The following SPOCK3 variants were observed in gnomAD, a reference collection of about 807,000 sequenced individuals.
SPOCK3 encodes SPARC (osteonectin), cwcv and kazal like domains proteoglycan 3.
In SPOCK3, 30 loss-of-function variants were observed where a neutral mutation model predicts 56.6. The observed-to-expected ratio is 0.53, with a 90% confidence interval of 0.40 to 0.72. The LOEUF (loss-of-function observed/expected upper bound fraction) is 0.72. SPOCK3 is among the 30% of genes least tolerant of loss of function. The pLI is 0.00. For missense variants in SPOCK3, 527 were observed against 530.0 expected, an observed-to-expected ratio of 0.99 and a Z score of 0.06; for synonymous variants, 196 against 183.3, an observed-to-expected ratio of 1.07 and a Z score of -0.56.
intron 2 of SPOCK3, among the ~76,000 whole-genome samples, chr4:167,127,541 C>T (rs1676197767): frequency 1.3e-5 from 2 of 151,970 alleles, no homozygotes; most frequent in African/African-American, 4.8e-5. Flanking sequence ...AATTCTCCTG[C>T]CTCAGCCTCC....
chr4:166,996,539 A>T (rs1748397407), intron 4 of SPOCK3, among the ~76,000 whole-genome samples: 1 of 152,186 alleles, frequency 6.6e-6, no homozygotes, highest in African/African-American at 2.4e-5. Context: ...ATATTAAAGC[A>T]TCTAAATAAT....
chr4:166,836,310 A>C (rs1263385993), intron 6 of SPOCK3, among the ~76,000 whole-genome samples: 1 of 152,212 alleles, frequency 6.6e-6, no homozygotes, highest in Non-Finnish European at 1.5e-5. Context: ...TTAAATTCTC[A>C]ACACGATTTT....
At chr4:167,185,235 TG>T (rs892716191) in intron 2 of SPOCK3, among the ~76,000 whole-genome samples, 4 of 152,158 alleles carry the variant, frequency 2.6e-5, no homozygotes, top group South Asian at 2.1e-4. Flanking sequence ...GCATGGAATA[TG>T]GGGGGATTAG....
chr4:166,742,052 A>G lies in SPOCK3; in HGVS notation c.939T>C (p.Pro313=). ...GAATATTGCTGAGCTCAGTCTGGCAAGGTGGGTCTGCAATGACATTAAAAA... is the reference window on the plus strand; with the variant it reads ...GAATATTGCTGAGCTCAGTCTGGCAGGGTGGGTCTGCAATGACATTAAAAA... ...CYCFQRQQDP[P]CQTELSNIQK... Residue 313 remains proline (P), a synonymous_variant, in exon 9 of 11, where the codon CCT becomes CCC. Coordinates refer to ENST00000357545, the MANE Select transcript of SPOCK3 (RefSeq NM_001040159.2). The G allele has an allele frequency of 6.2e-7, 1 of 1,612,306 alleles. No homozygotes were observed. The highest frequency in any genetic ancestry group is 8.5e-7 in the Non-Finnish European group (1 of 1,178,592).
intron 7 of SPOCK3, among the ~76,000 whole-genome samples, chr4:166,765,984 TG>T (rs1375848453): frequency 3.3e-5 from 5 of 152,116 alleles, no homozygotes; most frequent in African/African-American, 1.2e-4. Flanking sequence ...TTTGGCTCTC[TG>T]TTTGCCTGTT....
At chr4:166,997,186 C>T (rs1748473830) in intron 4 of SPOCK3, among the ~76,000 whole-genome samples, 1 of 151,844 alleles carries the variant, frequency 6.6e-6, no homozygotes, top group African/African-American at 2.4e-5. Context: ...GGGAGAGCAT[C>T]AAGGTAAACA....
At chr4:166,822,268 G>A (rs552857841) in intron 6 of SPOCK3, among the ~76,000 whole-genome samples, 2 of 152,036 alleles carry the variant, frequency 1.3e-5, no homozygotes, top group Non-Finnish European at 2.9e-5. Flanking sequence ...GCTGACCAAC[G>A]AAATGAACTC....
At chr4:166,815,766 C>T (rs10009425) in intron 6 of SPOCK3, among the ~76,000 whole-genome samples, 8,951 of 152,058 alleles carry the variant, frequency 0.059, 575 homozygotes, top group African/African-American at 0.15. Context: ...CAGAGCAAGA[C>T]CTTCTCTCTT....
chr4:166,953,279 T>A (rs1348366566), intron 4 of SPOCK3, among the ~76,000 whole-genome samples: 1 of 152,102 alleles, frequency 6.6e-6, no homozygotes, highest in Non-Finnish European at 1.5e-5. Flanking sequence ...GCGAAGGACA[T>A]GAACAGATAC....
At chr4:166,869,702 A>T (rs1390931183) in intron 6 of SPOCK3, among the ~76,000 whole-genome samples, 1 of 151,662 alleles carries the variant, frequency 6.6e-6, no homozygotes, top group Non-Finnish European at 1.5e-5. Flanking sequence ...TCATTCCCAT[A>T]CTTATACTAA....
intron 4 of SPOCK3, among the ~76,000 whole-genome samples, chr4:166,967,470 CATG>C (rs1744866221): frequency 6.6e-6 from 1 of 152,148 alleles, no homozygotes; most frequent in Non-Finnish European, 1.5e-5. Flanking sequence ...TTGTTGTTCT[CATG>C]ATAGTGAGTT....
intron 2 of SPOCK3, among the ~76,000 whole-genome samples, chr4:167,092,405 G>A (rs1432125793): frequency 1.3e-5 from 2 of 151,990 alleles, no homozygotes; most frequent in African/African-American, 2.4e-5. Flanking sequence ...CACCTCACAC[G>A]CTCCTGGCAA....
intron 2 of SPOCK3, among the ~76,000 whole-genome samples, chr4:167,170,760 C>G (rs1390675990): frequency 6.6e-6 from 1 of 152,074 alleles, no homozygotes; most frequent in Non-Finnish European, 1.5e-5. Context: ...TGTTGAAAAC[C>G]TGAAAACACT....
At chr4:166,743,307 T>C (rs1043399322) in intron 8 of SPOCK3, among the ~76,000 whole-genome samples, 3 of 152,162 alleles carry the variant, frequency 2.0e-5, no homozygotes, top group African/African-American at 7.2e-5. Flanking sequence ...ATTTAAATGT[T>C]TTTAAAATTT....
intron 6 of SPOCK3, among the ~76,000 whole-genome samples, chr4:166,818,154 T>C (rs1354385889): frequency 6.6e-6 from 1 of 152,028 alleles, no homozygotes; most frequent in Non-Finnish European, 1.5e-5. Flanking sequence ...GTTCCTCATC[T>C]AAGTCACTTA....
intron 6 of SPOCK3, among the ~76,000 whole-genome samples, chr4:166,876,432 C>T (rs1271083798): frequency 1.3e-5 from 2 of 152,128 alleles, no homozygotes; most frequent in Non-Finnish European, 2.9e-5. Flanking sequence ...GAAACAAAAA[C>T]TTATGGCCTG....
intron 2 of SPOCK3, among the ~76,000 whole-genome samples, chr4:167,104,530 T>C (rs984666863): frequency 2.0e-5 from 3 of 151,626 alleles, no homozygotes; most frequent in Non-Finnish European, 4.4e-5. Context: ...TATTTAAAAA[T>C]AAGATGTCAG....
At chr4:167,171,851 A>G (rs1370359109) in intron 2 of SPOCK3, among the ~76,000 whole-genome samples, 2 of 152,076 alleles carry the variant, frequency 1.3e-5, no homozygotes, top group Non-Finnish European at 2.9e-5. Context: ...GAATAAATAG[A>G]AAGATAAAAA....
At chr4:167,166,828 G>T (rs971573160) in intron 2 of SPOCK3, among the ~76,000 whole-genome samples, 1 of 152,084 alleles carries the variant, frequency 6.6e-6, no homozygotes, top group Non-Finnish European at 1.5e-5. Flanking sequence ...TCATGATTCT[G>T]TAGCGGAATA....
Sources: gnomAD v4.1 joint callset for allele counts (sites outside exome capture counted in the v4.1 genomes callset) on GRCh38, gnomAD v4.1.1 for gene constraint, MANE v1.5 for transcripts, NCBI Gene and HGNC (gene_info 2026-07-23, HGNC 2026-07-21) for gene names.